Variants in DLAT observed in about 807,000 individuals in gnomAD.
DLAT encodes dihydrolipoamide S-acetyltransferase.
In DLAT, 43 loss-of-function variants were observed where a neutral mutation model predicts 68.0. That is an observed-to-expected ratio of 0.63 (90% CI 0.50 to 0.81). The LOEUF is 0.81. Among genes scored for constraint, DLAT ranks in the 40% least tolerant of loss-of-function variants. The pLI, the probability that DLAT is intolerant of heterozygous loss-of-function variation, is 0.00. For synonymous variants in DLAT, 265 were observed against 288.6 expected, an observed-to-expected ratio of 0.92 and a Z score of 0.83; for missense variants, 745 against 815.4, an observed-to-expected ratio of 0.91 and a Z score of 1.05.
intron 5 of DLAT, among the ~76,000 whole-genome samples, chr11:112,034,838 A>G (rs1472874551): frequency 6.5e-5 from 9 of 139,494 alleles, no homozygotes; most frequent in Non-Finnish European, 1.1e-4. Flanking sequence ...CAGTGGTGCG[A>G]TCTTGGCTTA....
In DLAT at chr11:112,037,301, G is replaced by T; in HGVS notation, c.816G>T (p.Leu272=). ...TTGAAGTACAGGAAGAAGGTTATCT[G>T]GCAAAAATCCTGGTCCCTGAAGGCA... The part of the protein sequence containing the change: ...IGFEVQEEGY[L]AKILVPEGTR... The change falls in exon 6 of 14, where the codon CTG becomes CTT. Residue 272 remains leucine, a synonymous_variant. Transcript: ENST00000280346. 6.2e-7 allele frequency: 1 copy of T among 1,614,096 alleles called. No individual in the cohort carries two copies. The highest frequency in any genetic ancestry group is 8.5e-7 in the Non-Finnish European group (1 of 1,179,982).
Position 112,028,600 on chromosome 11 carries a change from A to T in DLAT, c.467A>T (p.Asp156Val), listed in dbSNP as rs944001741. The change falls in exon 3 of 14, where the codon GAT becomes GTT. Residue 156 changes from aspartate (D) to valine (V), a missense_variant. Physicochemically the swap from Asp to Val is radical, Grantham distance 152 (BLOSUM62 -3). Transcript: ENST00000280346. ...ATACTTGTTGCTGAAGGTACCAGGGATGTTCCCATCGGAGCGATCATCTGT... is the reference window on the plus strand; with the variant it reads ...ATACTTGTTGCTGAAGGTACCAGGGTTGTTCCCATCGGAGCGATCATCTGT... ...AKILVAEGTR[D>V]VPIGAIICIT... 1 of 1,614,142 alleles carries T rather than the reference A, an allele frequency of 6.2e-7. No homozygotes were observed. Among genetic ancestry groups the T allele is most frequent in the South Asian group, 1.1e-5 (1 of 91,082 alleles).
Position 112,025,484 on chromosome 11 carries a change from C to G in DLAT, c.12C>G (p.Val4=), listed in dbSNP as rs1555179079. The G allele has an allele frequency of 1.2e-6, 2 of 1,613,212 alleles. No individual in the cohort carries two copies. Among genetic ancestry groups the G allele is most frequent in the South Asian group, 2.2e-5 (2 of 91,032 alleles). Residue 4 remains valine, a synonymous_variant, in exon 1 of 14, where the codon GTC becomes GTG. Coordinates refer to ENST00000280346, the MANE Select transcript of DLAT (RefSeq NM_001931.5). Reference sequence around the variant, plus strand: ...GGGTTGGTGGCACTATGTGGCGCGTCTGTGCGCGACGGGCTCAGAATGTAG... The same window carrying G: ...GGGTTGGTGGCACTATGTGGCGCGTGTGTGCGCGACGGGCTCAGAATGTAG... MWR[V]CARRAQNVAP...
chr11:112,034,635 G>T (rs1295330156), intron 5 of DLAT, among the ~76,000 whole-genome samples: 1 of 150,414 alleles, frequency 6.6e-6, no homozygotes, highest in Non-Finnish European at 1.5e-5. Flanking sequence ...GTAGAGATGG[G>T]GTTTCACTGT....
Position 112,025,422 on chromosome 11 carries a change from G to C in DLAT, c.-51G>C, listed in dbSNP as rs1337220029. The C allele has an allele frequency of 6.3e-7, 1 of 1,581,218 alleles. No individual in the cohort carries two copies. Among genetic ancestry groups the C allele is most frequent in the African/African-American group, 1.3e-5 (1 of 74,456 alleles). On this transcript the variant is annotated 5_prime_UTR_variant, in exon 1 of 14. Coordinates refer to ENST00000280346, the MANE Select transcript of DLAT (RefSeq NM_001931.5). ...ACGGCAACGCCGCTGCTCTTGGAGA[G>C]GTCACTCCGGAGACGGCGTTGGTTT...
chr11:112,040,092 A>C (rs1189670927), intron 7 of DLAT, among the ~76,000 whole-genome samples: 1 of 152,210 alleles, frequency 6.6e-6, no homozygotes, highest in Non-Finnish European at 1.5e-5. Flanking sequence ...AGTGCTTAGA[A>C]CTGTATCTAG....
intron 4 of DLAT, among the ~76,000 whole-genome samples, chr11:112,031,775 A>C (rs1862411394): frequency 7.1e-6 from 1 of 140,704 alleles, no homozygotes. Context: ...AGATGAGGTT[A>C]CATCATGTTG....
intron 11 of DLAT, among the ~76,000 whole-genome samples, chr11:112,056,516 GTAGTT>G (rs1360011943): frequency 6.6e-6 from 1 of 152,154 alleles, no homozygotes; most frequent in Non-Finnish European, 1.5e-5. Context: ...GCATGTATCT[GTAGTT>G]TATTCTTTTT....
chr11:112,037,797 A>C (rs1215296018), intron 6 of DLAT, among the ~76,000 whole-genome samples: 5 of 145,996 alleles, frequency 3.4e-5, no homozygotes. Flanking sequence ...TTTTTTTAAG[A>C]GACAAGGTCT....
intron 4 of DLAT, chr11:112,030,016 T>A: frequency 9.7e-7 from 1 of 1,029,056 alleles, no homozygotes; most frequent in South Asian, 1.2e-5. Flanking sequence ...CCATTTGTAC[T>A]GGGACCGCTG....
chr11:112,030,314 G>A (rs1862324448), intron 4 of DLAT: 2 of 531,264 alleles, frequency 3.8e-6, no homozygotes, highest in South Asian at 1.5e-5. Flanking sequence ...GACTGCCATT[G>A]CTGACATCAA....
At chr11:112,030,384 C>T (rs1185067127) in intron 4 of DLAT, 4 of 378,152 alleles carry the variant, frequency 1.1e-5, no homozygotes, top group Non-Finnish European at 2.0e-5. Flanking sequence ...GACCCGGAAA[C>T]GGAAGTCGGG....
chr11:112,055,608 C>G (rs1360058924), intron 11 of DLAT, among the ~76,000 whole-genome samples: 2 of 152,046 alleles, frequency 1.3e-5, no homozygotes, highest in Admixed American at 1.3e-4. Flanking sequence ...GAGTTAGCCA[C>G]TGTTACTGAA....
At chr11:112,046,004 A>T (rs149866743) in intron 10 of DLAT, 34 bp downstream of exon 10, 11 of 1,365,346 alleles carry the variant, frequency 8.1e-6, no homozygotes, top group Non-Finnish European at 1.0e-5. Flanking sequence ...TTTCTAAGTT[A>T]TAAAAATTTT....
At chr11:112,028,686 T>C in intron 3 of DLAT, 47 bp downstream of exon 3, 1 of 1,614,072 alleles carries the variant, frequency 6.2e-7, no homozygotes, top group Non-Finnish European at 8.5e-7. Context: ...CTTGGTGGAG[T>C]ATTTTACCCA....
At chr11:112,057,696 C>T (rs149828813) in intron 11 of DLAT, among the ~76,000 whole-genome samples, 6 of 152,186 alleles carry the variant, frequency 3.9e-5, no homozygotes, top group East Asian at 3.9e-4. Context: ...GAGGTTGGCT[C>T]ATGAGGTTGA....
At chr11:112,031,486 G>A (rs1465664449) in intron 4 of DLAT, among the ~76,000 whole-genome samples, 2 of 151,268 alleles carry the variant, frequency 1.3e-5, no homozygotes, top group African/African-American at 2.4e-5. Context: ...GCATGATTTC[G>A]GCTCACTGCA....
chr11:112,038,763 T>C (rs1252807051), intron 6 of DLAT, among the ~76,000 whole-genome samples: 9 of 151,732 alleles, frequency 5.9e-5, no homozygotes, highest in African/African-American at 2.2e-4. Context: ...GGAGAATTGC[T>C]TGAACCCAGG....
chr11:112,031,174 G>T (rs1466810052), intron 4 of DLAT, among the ~76,000 whole-genome samples: 1 of 152,086 alleles, frequency 6.6e-6, no homozygotes, highest in African/African-American at 2.4e-5. Flanking sequence ...TCTAAGGCTT[G>T]TCTTACTTTC....
Sources: gnomAD v4.1 joint callset for allele counts (sites outside exome capture counted in the v4.1 genomes callset) on GRCh38, gnomAD v4.1.1 for gene constraint, MANE v1.5 for transcripts, NCBI Gene and HGNC (gene_info 2026-07-23, HGNC 2026-07-21) for gene names.